The following CZIB variants were observed in gnomAD, a reference collection of about 807,000 sequenced individuals.
CZIB encodes UPF0587 protein C1orf123.
CZIB carries 26 observed loss-of-function variants against 28.3 expected under a neutral mutation model. The observed-to-expected ratio is 0.92, with a 90% CI of 0.67 to 1.27. CZIB has a LOEUF of 1.27. Among genes scored for constraint, CZIB ranks in the 50% most tolerant of loss-of-function variants. CZIB has a pLI of 0.00. For synonymous variants in CZIB, 78 were observed against 71.1 expected (o/e 1.10, Z -0.49); for missense variants, 179 against 197.3 (o/e 0.91, Z 0.56).
At chr1:53,218,291 G>A (rs999648919) in intron 4 of CZIB, 88 bp from the exon 5 acceptor site, 6 of 1,574,942 alleles carry the variant, frequency 3.8e-6, no homozygotes, top group South Asian at 3.3e-5. Context: ...AAAAGATCAC[G>A]CTGTACAGGT....
rs770249204 is a variant in CZIB at position 53,218,186 on chromosome 1, T to C, written c.247A>G (p.Ile83Val). Residue 83 changes from isoleucine (I) to valine (V), a missense_variant, in exon 5 of 8, where the codon ATC becomes GTC. Transcript: ENST00000294360. ...AGCAAACTTACATTGTAAGGCTTGA[T>C]GGTGCTGCTTAAAATCTCTGAAATA... ...ENSIEILSST[I>V]KPYNAEDNEN... 5 of 1,614,186 alleles carry C rather than the reference T, an allele frequency of 3.1e-6. No homozygotes were observed. Among genetic ancestry groups the C allele is most frequent in the East Asian group, 4.5e-5 (2 of 44,884 alleles).
rs199961343 is a variant in CZIB at position 53,220,309 on chromosome 1, G to A, written c.42C>T (p.Asn14=). ...CGCCCACGGGCCGGAGGTTGGTGAT[G>A]TTCTCCAGCGTGGCTTTGAGTTGCA... ...IALQLKATLE[N]ITNLRPVGED... The change falls in exon 2 of 8, where the codon AAC becomes AAT. Residue 14 remains asparagine (N), a synonymous_variant. Transcript: ENST00000294360. 3 of 1,613,628 alleles carry A rather than the reference G, an allele frequency of 1.9e-6. No individual in the cohort carries two copies. Among genetic ancestry groups the A allele is most frequent in the African/African-American group, 1.3e-5 (1 of 75,060 alleles).
intron 6 of CZIB, 88 bp downstream of exon 6, chr1:53,216,694 A>G: frequency 8.4e-7 from 1 of 1,194,370 alleles, no homozygotes. Flanking sequence ...TGTCTAGTCC[A>G]TGGTATCTGT....
intron 5 of CZIB, chr1:53,217,813 T>G: frequency 4.0e-6 from 1 of 250,650 alleles, no homozygotes. Context: ...TTAACACTGA[T>G]GATATAAAGG....
Position 53,214,272 on chromosome 1 carries a change from A to G in CZIB, c.*387T>C. ...TTCCAACAGCAAGTTCAGTAAGTTC[A>G]GGTAACAGTACGTCACCATTGGCTT... On this transcript the variant is annotated 3_prime_UTR_variant, in exon 8 of 8. Transcript: ENST00000294360. The G allele has an allele frequency of 5.4e-6, 1 of 186,594 alleles. No individual in the cohort carries two copies. Among genetic ancestry groups the G allele is most frequent in the Non-Finnish European group, 1.1e-5 (1 of 89,922 alleles). 11.6% of individuals were successfully genotyped at this position (186,594 alleles called of 1,614,324 possible). A position where few individuals can be genotyped will look rare whatever the true frequency, so the allele number is the denominator to read the frequency against.
chr1:53,220,480 C>G (rs1019652423), intron 1 of CZIB, 90 bp downstream of exon 1: 2 of 1,588,792 alleles, frequency 1.3e-6, no homozygotes, highest in Non-Finnish European at 1.7e-6. Context: ...CGCGCACCCA[C>G]TCGCTTCATC....
Position 53,214,110 on chromosome 1 carries a change from A to T in CZIB, c.*549T>A, listed in dbSNP as rs1273715799. The T allele has an allele frequency of 1.2e-5, 2 of 165,898 alleles. No homozygotes were observed. Among genetic ancestry groups the T allele is most frequent in the East Asian group, 3.3e-4 (2 of 6,006 alleles). 10.3% of individuals were successfully genotyped at this position (165,898 alleles called of 1,614,324 possible). A position where few individuals can be genotyped will look rare whatever the true frequency, so the allele number is the denominator to read the frequency against. The stretch of plus-strand genomic sequence containing the variant: ...AAGATAACAAGAGATTTAAGTTTTA[A>T]GGGCATTTAATCAGGAGGAAAGGTT... On this transcript the variant is annotated 3_prime_UTR_variant, in exon 8 of 8. Transcript: ENST00000294360.
chr1:53,219,461 A>G (rs541458622), intron 2 of CZIB: 1 of 154,534 alleles, frequency 6.5e-6, no homozygotes, highest in South Asian at 2.0e-4. Flanking sequence ...AAATATGTAC[A>G]ATTCTGTGTC....
intron 2 of CZIB, 86 bp from the exon 3 acceptor site, chr1:53,219,009 G>T: frequency 3.5e-6 from 4 of 1,152,478 alleles, no homozygotes; most frequent in South Asian, 2.5e-5. Context: ...AGGTGGGCAG[G>T]CTCATGATCT....
rs532018450 is a variant in CZIB, at chr1:53,216,877, T to C, written c.262-18A>G. On this transcript the variant is annotated intron_variant, in intron 5 of 7. Transcript: ENST00000294360. ...TCTTCAGCCTAGAAAGGAAGTGTGTTGAGGAGGCAGGCCCAAATGAGCTCT... is the reference window on the plus strand; with the variant it reads ...TCTTCAGCCTAGAAAGGAAGTGTGTCGAGGAGGCAGGCCCAAATGAGCTCT... The C allele has an allele frequency of 2.0e-5, 32 of 1,611,396 alleles. 1 individual carries two copies. In the Middle Eastern group the frequency reaches 5.0e-4, roughly 25 times the overall value.
intron 5 of CZIB, 199 bp downstream of exon 5, chr1:53,217,973 A>T (rs1334408042): frequency 1.6e-6 from 1 of 620,412 alleles, no homozygotes; most frequent in Non-Finnish European, 2.8e-6. Context: ...CCCAGCCCTC[A>T]TAAGAAGGCA....
intron 2 of CZIB, chr1:53,219,965 T>C: frequency 2.5e-6 from 1 of 401,352 alleles, no homozygotes. Flanking sequence ...AGGCGAACTA[T>C]TCACCTTATT....
chr1:53,220,162 G>T, intron 2 of CZIB, 99 bp downstream of exon 2: 3 of 1,051,884 alleles, frequency 2.9e-6, no homozygotes, highest in Non-Finnish European at 4.1e-6. Flanking sequence ...CACTTAATGT[G>T]CCTGGTTAAA....
intron 6 of CZIB, among the ~76,000 whole-genome samples, chr1:53,216,257 T>C (rs1645472362): frequency 6.6e-6 from 1 of 152,202 alleles, no homozygotes; most frequent in African/African-American, 2.4e-5. Flanking sequence ...TTCTCTGAAT[T>C]ACAGCCTTGG....
rs1645486390 is a variant in CZIB, at chr1:53,218,219, G to C, written c.230-16C>G. On this transcript the variant is annotated splice_polypyrimidine_tract_variant and intron_variant, in intron 4 of 7. Transcript: ENST00000294360. Reference sequence around the variant, plus strand: ...CTTAAAATCTCTGAAATAGAAAAGAGAACACAAAGTTGACTTGAGTCCATA... The same window carrying C: ...CTTAAAATCTCTGAAATAGAAAAGACAACACAAAGTTGACTTGAGTCCATA... 6.2e-7 allele frequency: 1 copy of C among 1,613,964 alleles called. No individual in the cohort carries two copies.
At chr1:53,218,818 A>G (rs767341598) in intron 3 of CZIB, 49 bp downstream of exon 3, 5 of 1,507,656 alleles carry the variant, frequency 3.3e-6, no homozygotes, top group Admixed American at 1.7e-5. Flanking sequence ...CCAGAAGTGT[A>G]TGTGTGTTTG....
At chr1:53,218,658 A>G in intron 3 of CZIB, 163 bp from the exon 4 acceptor site, 2 of 824,408 alleles carry the variant, frequency 2.4e-6, no homozygotes, top group Non-Finnish European at 3.8e-6. Context: ...AAATAAAAAA[A>G]GGGCTTCCCC....
chr1:53,219,684 T>G (rs561487179), intron 2 of CZIB: 5 of 152,676 alleles, frequency 3.3e-5, no homozygotes, highest in African/African-American at 9.7e-5. Context: ...TTCAAAATCC[T>G]GGGAAACAAA....
chr1:53,218,051 G>C (rs929778208), intron 5 of CZIB, 121 bp downstream of exon 5: 5 of 1,051,588 alleles, frequency 4.8e-6, no homozygotes, highest in Non-Finnish European at 7.0e-6. Context: ...GAAGAACTAA[G>C]TTCATGAGTG....
Sources: gnomAD v4.1 joint callset for allele counts (sites outside exome capture counted in the v4.1 genomes callset) on GRCh38, gnomAD v4.1.1 for gene constraint, MANE v1.5 for transcripts, NCBI Gene and HGNC (gene_info 2026-07-23, HGNC 2026-07-21) for gene names.